The following DCC variants were observed in gnomAD, a reference collection of about 807,000 sequenced individuals.
DCC encodes the protein netrin receptor DCC.
In DCC, 58 loss-of-function variants were observed where a neutral mutation model predicts 172.5. The observed-to-expected ratio is 0.34, with a 90% confidence interval of 0.27 to 0.42. The LOEUF (loss-of-function observed/expected upper bound fraction) is 0.42, where lower values mean the gene tolerates loss of function less well. DCC is among the 10% of genes least tolerant of loss of function. The probability of loss-of-function intolerance (pLI) is 1.00; values close to 1 mark genes in which losing one functional copy is unlikely to be tolerated. For missense variants in DCC, 1,740 were observed against 1,791.0 expected (o/e 0.97, Z 0.51); for synonymous variants, 709 against 644.5 (o/e 1.10, Z -1.52).
chr18:52,576,539 T>G (rs2033414224), intron 1 of DCC, among the ~76,000 whole-genome samples: 1 of 152,128 alleles, frequency 6.6e-6, no homozygotes, highest in African/African-American at 2.4e-5. Context: ...AAGAAAATAA[T>G]GTAGTTTCCG....
chr18:52,595,214 A>G (rs1478960713), intron 1 of DCC, among the ~76,000 whole-genome samples: 1 of 152,332 alleles, frequency 6.6e-6, no homozygotes, highest in Non-Finnish European at 1.5e-5. Context: ...TCGACTAACA[A>G]GTCTTTGCTA....
At chr18:52,707,713 A>T (rs147586196) in intron 1 of DCC, among the ~76,000 whole-genome samples, 1 of 152,230 alleles carries the variant, frequency 6.6e-6, no homozygotes, top group Non-Finnish European at 1.5e-5. Flanking sequence ...AATTCGTGAC[A>T]TGGATGAACC....
At chr18:52,934,810 G>T (rs1003319720) in intron 5 of DCC, 4 of 152,140 alleles carry the variant, frequency 2.6e-5, no homozygotes, top group African/African-American at 7.2e-5. Context: ...CCCTTGCACA[G>T]AGAGAAAAGG....
At chr18:53,126,660 T>G (rs1050532362) in intron 7 of DCC, among the ~76,000 whole-genome samples, 2 of 152,114 alleles carry the variant, frequency 1.3e-5, no homozygotes, top group Non-Finnish European at 2.9e-5. Context: ...GAGTACAGAT[T>G]CATACGTATC....
intron 2 of DCC, among the ~76,000 whole-genome samples, chr18:52,851,323 TAA>T (rs936374298): frequency 1.5e-4 from 23 of 152,146 alleles, no homozygotes; most frequent in African/African-American, 4.8e-4. Flanking sequence ...TAAAAGTGTT[TAA>T]GACTTACTCC....
chr18:52,872,716 G>A (rs2039341519), intron 2 of DCC, among the ~76,000 whole-genome samples: 1 of 152,168 alleles, frequency 6.6e-6, no homozygotes, highest in Admixed American at 6.5e-5. Flanking sequence ...CTTTGGTCAT[G>A]CTGGCAGCTG....
At chr18:53,052,331 A>G (rs2042344745) in intron 5 of DCC, among the ~76,000 whole-genome samples, 1 of 151,480 alleles carries the variant, frequency 6.6e-6, no homozygotes. Context: ...TCTACCCTAT[A>G]TTTTCTTCTG....
At chr18:52,994,786 T>C (rs1267990428) in intron 5 of DCC, among the ~76,000 whole-genome samples, 1 of 152,188 alleles carries the variant, frequency 6.6e-6, no homozygotes, top group African/African-American at 2.4e-5. Context: ...CAAGCCTGAT[T>C]GTCCCATGAT....
chr18:53,204,658 G>A (rs1467091688), intron 9 of DCC, among the ~76,000 whole-genome samples: 1 of 152,030 alleles, frequency 6.6e-6, no homozygotes, highest in Non-Finnish European at 1.5e-5. Context: ...AAGAGAAAAT[G>A]TAATACTAAA....
At chr18:53,508,822 A>G (rs2046215922) in intron 27 of DCC, among the ~76,000 whole-genome samples, 1 of 152,216 alleles carries the variant, frequency 6.6e-6, no homozygotes, top group African/African-American at 2.4e-5. Context: ...TCTAGAGAAA[A>G]GAGTGGCCTC....
intron 1 of DCC, among the ~76,000 whole-genome samples, chr18:52,590,388 C>A (rs1563224): frequency 6.6e-6 from 1 of 151,772 alleles, no homozygotes; most frequent in Non-Finnish European, 1.5e-5. Flanking sequence ...ATACGCTCAG[C>A]CAAAAGATAG....
chr18:53,454,424 C>T (rs914378049), intron 23 of DCC, among the ~76,000 whole-genome samples: 42 of 152,168 alleles, frequency 2.8e-4, no homozygotes, highest in African/African-American at 9.7e-4. Context: ...AACATTTTCT[C>T]GCCCAACATA....
At chr18:52,646,199 T>G (rs1275930266) in intron 1 of DCC, among the ~76,000 whole-genome samples, 1 of 152,206 alleles carries the variant, frequency 6.6e-6, no homozygotes, top group African/African-American at 2.4e-5. Context: ...ATCCCAAGAC[T>G]GCAATAATAA....
At chr18:52,427,882 T>G (rs1987494567) in intron 1 of DCC, among the ~76,000 whole-genome samples, 1 of 140,438 alleles carries the variant, frequency 7.1e-6, no homozygotes, top group Admixed American at 7.4e-5. Context: ...CTTCCTTCCT[T>G]CCTTCCTTCC....
At chr18:53,396,255 C>T (rs998293104) in intron 17 of DCC, among the ~76,000 whole-genome samples, 5 of 152,002 alleles carry the variant, frequency 3.3e-5, no homozygotes, top group East Asian at 1.9e-4. Context: ...CTTCGAAGAA[C>T]GATACCTCAT....
At chr18:53,456,796 G>C (rs1110325) in intron 23 of DCC, among the ~76,000 whole-genome samples, 2 of 152,186 alleles carry the variant, frequency 1.3e-5, no homozygotes, top group African/African-American at 4.8e-5. Flanking sequence ...CACAGGAACC[G>C]TGGGCTGCAA....
chr18:53,319,471 AAT>A (rs1842864309), intron 13 of DCC, among the ~76,000 whole-genome samples: 2 of 152,196 alleles, frequency 1.3e-5, no homozygotes, highest in Admixed American at 6.5e-5. Context: ...TTGCAATCCT[AAT>A]CTCTGATAAA....
chr18:53,392,577 T>A (rs562894561), intron 17 of DCC, among the ~76,000 whole-genome samples: 1 of 152,276 alleles, frequency 6.6e-6, no homozygotes, highest in Admixed American at 6.5e-5. Flanking sequence ...TCAGGGATCA[T>A]AACAACAAGT....
chr18:52,764,422 C>A (rs2037211840), intron 2 of DCC, among the ~76,000 whole-genome samples: 1 of 152,154 alleles, frequency 6.6e-6, no homozygotes, highest in Non-Finnish European at 1.5e-5. Context: ...CAAGGTGGGG[C>A]CTAATGGGAG....
Sources: gnomAD v4.1 joint callset for allele counts (sites outside exome capture counted in the v4.1 genomes callset) on GRCh38, gnomAD v4.1.1 for gene constraint, MANE v1.5 for transcripts, NCBI Gene and HGNC (gene_info 2026-07-23, HGNC 2026-07-21) for gene names.